The following LRBA variants were observed in gnomAD, a reference collection of about 807,000 sequenced individuals.
LRBA encodes LPS responsive beige-like anchor protein.
In LRBA, 176 loss-of-function variants were observed where a neutral mutation model predicts 330.0. The observed-to-expected ratio is 0.53, with a 90% confidence interval of 0.47 to 0.60. The LOEUF (loss-of-function observed/expected upper bound fraction) is 0.60, where lower values mean the gene tolerates loss of function less well. Ranked by LOEUF, LRBA falls within the 20% of genes least tolerant of loss-of-function variation. The probability of loss-of-function intolerance (pLI) is 0.00; values close to 1 mark genes in which losing one functional copy is unlikely to be tolerated. For missense variants in LRBA, 3,259 were observed against 3,444.8 expected, an observed-to-expected ratio of 0.95 and a Z score of 1.35; for synonymous variants, 1,230 against 1,193.0, an observed-to-expected ratio of 1.03 and a Z score of -0.64.
chr4:150,448,563 A>G (rs894381245), intron 44 of LRBA, among the ~76,000 whole-genome samples: 2 of 152,128 alleles, frequency 1.3e-5, no homozygotes, highest in African/African-American at 4.8e-5. Flanking sequence ...GCACTTCGGG[A>G]GGCCGAGGCA....
At chr4:150,992,947 GT>G (rs1303620938) in intron 2 of LRBA, among the ~76,000 whole-genome samples, 1 of 152,132 alleles carries the variant, frequency 6.6e-6, no homozygotes, top group Non-Finnish European at 1.5e-5. Context: ...CCTCAGCAAA[GT>G]TTTTACAGTA....
chr4:150,332,240 C>T (rs146175464), intron 48 of LRBA, among the ~76,000 whole-genome samples: 1,858 of 152,064 alleles, frequency 0.012, 37 homozygotes, highest in African/African-American at 0.042. Flanking sequence ...GCCTTTAAAC[C>T]CTTGTATATA....
At chr4:150,948,455 C>A (rs2149538404) in intron 2 of LRBA, among the ~76,000 whole-genome samples, 1 of 152,062 alleles carries the variant, frequency 6.6e-6, no homozygotes, top group East Asian at 1.9e-4. Flanking sequence ...ACACCTTACA[C>A]AAAAACTAAC....
chr4:151,007,580 G>A (rs568591165), intron 2 of LRBA, among the ~76,000 whole-genome samples: 57 of 151,496 alleles, frequency 3.8e-4, no homozygotes, highest in Admixed American at 3.3e-4. Context: ...AATGTAGGCC[G>A]GGCGCGGTGT....
intron 31 of LRBA, among the ~76,000 whole-genome samples, chr4:150,813,035 T>C (rs570329732): frequency 7.9e-5 from 12 of 151,944 alleles, no homozygotes; most frequent in Non-Finnish European, 1.2e-4. Context: ...CACACACCTG[T>C]AGTTCTGGCT....
chr4:150,931,303 T>C (rs893369815), intron 2 of LRBA, among the ~76,000 whole-genome samples: 2 of 149,482 alleles, frequency 1.3e-5, no homozygotes, highest in Non-Finnish European at 3.0e-5. Context: ...TAAAAAGATT[T>C]AAAAAAAGGC....
At chr4:150,577,466 T>C (rs894222109) in intron 40 of LRBA, among the ~76,000 whole-genome samples, 2 of 151,614 alleles carry the variant, frequency 1.3e-5, no homozygotes, top group Admixed American at 1.3e-4. Context: ...ATTAAGTATA[T>C]AAGAACTAAA....
rs776929115 is a variant in LRBA, at chr4:150,897,824, A to T, written c.1925-6T>A. ...TTGATTAGGTCGCGGTCCATCTTTT[A>T]AAAAAATATACACATACACATTTAG... is the stretch of plus-strand genomic sequence containing the variant. On this transcript the variant is annotated splice_region_variant and splice_polypyrimidine_tract_variant and intron_variant, in intron 14 of 56. Coordinates refer to ENST00000651943, the MANE Select transcript of LRBA (RefSeq NM_001364905.1). 5 of 1,590,114 alleles carry T rather than the reference A, an allele frequency of 3.1e-6. No homozygotes were observed. The highest frequency in any genetic ancestry group is 3.4e-6 in the Non-Finnish European group (4 of 1,159,714).
rs1328537247 is a variant in LRBA at position 150,264,822 on chromosome 4, A to ATAGTT, written c.*895_*899dup. The stretch of plus-strand genomic sequence containing the variant: ...GCTAATCAAAAGGAAGGTGGAGATG[A>ATAGTT]TAGTTTAATAACAAATAGTAAAACA... On this transcript the variant is annotated 3_prime_UTR_variant, in exon 57 of 57. Coordinates refer to ENST00000651943, the MANE Select transcript of LRBA (RefSeq NM_001364905.1). The ATAGTT allele has an allele frequency of 2.0e-5, 3 of 152,682 alleles. No individual in the cohort carries two copies. The highest frequency in any genetic ancestry group is 1.9e-4 in the East Asian group (1 of 5,194). The allele number at this position is 152,682 out of a possible 1,614,324, so 9.5% of individuals were successfully genotyped here.
chr4:150,442,730 A>G (rs1023968654), intron 44 of LRBA, among the ~76,000 whole-genome samples: 1 of 152,322 alleles, frequency 6.6e-6, no homozygotes, highest in South Asian at 2.1e-4. Flanking sequence ...GCTGAACTCA[A>G]TGTTCTTCTA....
rs115113907 is a variant in LRBA, at chr4:150,500,303, C to T, written c.6331-9268G>A. 7.2e-3 allele frequency among the ~76,000 whole-genome samples: 1,093 copies of T among 151,772 alleles called. 12 individuals are homozygous for T. Among genetic ancestry groups the T allele is most frequent in the African/African-American group, 0.025 (1,048 of 41,430 alleles). On this transcript the variant is annotated intron_variant, in intron 40 of 56. Transcript: ENST00000651943. ...AAAAATCCCCCCTTGGGCTGGGCGC[C>T]GGGGCTTATGTCTGTAATCCCAGCA... is the stretch of plus-strand genomic sequence containing the variant.
At chr4:150,650,192 A>C (rs1000464798) in intron 37 of LRBA, among the ~76,000 whole-genome samples, 3 of 152,178 alleles carry the variant, frequency 2.0e-5, no homozygotes, top group Non-Finnish European at 4.4e-5. Flanking sequence ...TTTGCTCTAG[A>C]GTAGTTAGTG....
At chr4:150,358,944 T>C (rs1423469650) in intron 47 of LRBA, among the ~76,000 whole-genome samples, 1 of 152,218 alleles carries the variant, frequency 6.6e-6, no homozygotes, top group Non-Finnish European at 1.5e-5. Flanking sequence ...AGGAGCTGTC[T>C]GCATGGCACC....
At chr4:150,470,159 G>A (rs557994218) in intron 43 of LRBA, among the ~76,000 whole-genome samples, 3 of 152,226 alleles carry the variant, frequency 2.0e-5, no homozygotes, top group African/African-American at 7.2e-5. Context: ...CTCCAGCCTG[G>A]GGAAGAGGAG....
chr4:150,908,588 GC>G, intron 10 of LRBA, 71 bp downstream of exon 10: 1 of 1,453,218 alleles, frequency 6.9e-7, no homozygotes. Flanking sequence ...TTTAACAGAA[GC>G]TACCAAATAC....
At chr4:150,716,516 G>C (rs1336256569) in intron 36 of LRBA, among the ~76,000 whole-genome samples, 1 of 152,096 alleles carries the variant, frequency 6.6e-6, no homozygotes, top group Non-Finnish European at 1.5e-5. Context: ...AAGATAAACA[G>C]ATGTTCAAGC....
In LRBA at chr4:150,583,872, G is replaced by A. The variant is rs368334008; in HGVS notation, c.6330+4176C>T. 3.1e-6 allele frequency: 5 copies of A among 1,613,872 alleles called. No homozygotes were observed. The African/African-American group carries it at 4.0e-5, about 13-fold the overall frequency. On this transcript the variant is annotated intron_variant, in intron 40 of 56. Transcript: ENST00000651943. This position sits in a 1 kb window ranked among gnomAD's most constrained non-coding sequence, Gnocchi z 9.8. ...ACATGAAGACGCTGCTGCTGTACGA[G>A]TGCGAGAAACACCCACGAGAAACGG...
intron 34 of LRBA, among the ~76,000 whole-genome samples, chr4:150,767,239 T>C (rs1425715321): frequency 6.6e-6 from 1 of 152,168 alleles, no homozygotes; most frequent in African/African-American, 2.4e-5. Flanking sequence ...ACTTGACAGT[T>C]TTCTATAAAT....
intron 17 of LRBA, among the ~76,000 whole-genome samples, chr4:150,892,429 C>T (rs529423584): frequency 5.3e-5 from 8 of 152,278 alleles, no homozygotes; most frequent in Admixed American, 1.3e-4. Flanking sequence ...AGAAGAGACA[C>T]GAGAGAGCTC....
Sources: gnomAD v4.1 joint callset for allele counts (sites outside exome capture counted in the v4.1 genomes callset) on GRCh38, gnomAD v4.1.1 for gene constraint, Gnocchi (gnomAD v3.1) non-coding constraint, MANE v1.5 for transcripts, NCBI Gene and HGNC (gene_info 2026-07-23, HGNC 2026-07-21) for gene names.